Variants in HR observed in about 807,000 individuals in gnomAD.
HR encodes HR lysine demethylase and nuclear receptor corepressor, also known as lysine-specific demethylase hairless.
In HR, 83 loss-of-function variants were observed where a neutral mutation model predicts 128.6. The observed-to-expected ratio is 0.65, with a 90% CI of 0.54 to 0.77. The LOEUF (loss-of-function observed/expected upper bound fraction) is 0.77. HR is among the 30% of genes least tolerant of loss of function. The probability of loss-of-function intolerance (pLI) is 0.00; values close to 1 mark genes in which losing one functional copy is unlikely to be tolerated. For synonymous variants in HR, 681 were observed against 658.2 expected, an observed-to-expected ratio of 1.03 and a Z score of -0.53; for missense variants, 1,490 against 1,574.6, an observed-to-expected ratio of 0.95 and a Z score of 0.91.
At chr8:22,121,464 A>G (rs993984301) in intron 9 of HR, 149 bp downstream of exon 9, 3 of 919,372 alleles carry the variant, frequency 3.3e-6, no homozygotes, top group Non-Finnish European at 1.7e-6. Context: ...AGGTGTTTGG[A>G]GGCATGTCCT....
rs753650425 is a variant in HR at position 22,116,249 on chromosome 8, G to T, written c.3507+51C>A. The T allele has an allele frequency of 6.2e-7, 1 of 1,610,668 alleles. No homozygotes were observed. Among genetic ancestry groups the T allele is most frequent in the Admixed American group, 1.7e-5 (1 of 59,996 alleles). ...GTCCACTGCAGCTGTGGCACAGGGAGGTGGGAGGCTTGGGTAGCACACCCA... is the reference window on the plus strand; with the variant it reads ...GTCCACTGCAGCTGTGGCACAGGGATGTGGGAGGCTTGGGTAGCACACCCA... On this transcript the variant is annotated intron_variant, in intron 18 of 18. Transcript: ENST00000381418. This position sits in a 1 kb window ranked among gnomAD's most constrained non-coding sequence, Gnocchi z 4.2.
chr8:22,120,622 C>T (rs1051289987), intron 11 of HR, 94 bp downstream of exon 11: 1 of 1,574,888 alleles, frequency 6.3e-7, no homozygotes. Flanking sequence ...TCCTGCTCCC[C>T]CTGAGCCACT....
intron 5 of HR, among the ~76,000 whole-genome samples, chr8:22,125,030 G>A (rs1417679308): frequency 6.6e-6 from 1 of 152,206 alleles, no homozygotes. Flanking sequence ...CAGCCCTCCA[G>A]GCCCGGGAGC....
In HR at chr8:22,120,863, GCCAGCTCGAAGCCCCGGC is replaced by G; in HGVS notation, c.2445_2462del (p.Ala820_Arg825del). 6.4e-7 allele frequency: 1 copy of G among 1,552,096 alleles called. No homozygotes were observed. On this transcript the variant is annotated inframe_deletion, in exon 11 of 19. Transcript: ENST00000381418. ...GGCCCAGGCCCTTGCGCAGACCCGG[GCCAGCTCGAAGCCCCGGC>G]CCCAGGGCTTTCTCCTGGATCTTCC...
At chr8:22,126,986 C>A (rs780606677) in intron 3 of HR, 51 bp downstream of exon 3, 1 of 1,542,922 alleles carries the variant, frequency 6.5e-7, no homozygotes, top group South Asian at 1.2e-5. Flanking sequence ...AAGCCCCAGC[C>A]CCGGCTGCCC....
At position 22,127,557 on chromosome 8, in the gene HR, A is replaced by T; in HGVS notation, c.885T>A (p.Ala295=). 1 of 1,613,072 alleles carries T rather than the reference A, an allele frequency of 6.2e-7. No individual in the cohort carries two copies. Among genetic ancestry groups the T allele is most frequent in the African/African-American group, 1.3e-5 (1 of 75,076 alleles). ...GLVHTLGNVW[A]GPGDGNLGYQ... is the part of the protein sequence containing the mutation. ...ACCCAAGGTTCCCATCGCCTGGCCC[A>T]GCCCAGACGTTGCCAAGAGTATGAA... Residue 295 remains alanine (A), a synonymous_variant, in exon 3 of 19, where the codon GCT becomes GCA. Transcript: ENST00000381418.
intron 1 of HR, 147 bp from the exon 2 acceptor site, chr8:22,129,357 C>G: frequency 8.4e-6 from 5 of 596,780 alleles, no homozygotes; most frequent in Non-Finnish European, 1.4e-5. Context: ...CACCATGCTG[C>G]CTCTCCACAT....
At chr8:22,118,872 AC>A in intron 16 of HR, 77 bp downstream of exon 16, 1 of 1,238,376 alleles carries the variant, frequency 8.1e-7, no homozygotes, top group East Asian at 2.3e-5. Flanking sequence ...AGCACATGGG[AC>A]CGCACACTGG....
chr8:22,115,783 A>G (rs770529235), intron 18 of HR, 21 bp from the exon 19 acceptor site: 8 of 1,613,158 alleles, frequency 5.0e-6, no homozygotes, highest in Non-Finnish European at 6.8e-6. Flanking sequence ...GAGAGAGGAC[A>G]AAGCATTTTC....
chr8:22,126,418 C>T (rs1826892819), intron 3 of HR, among the ~76,000 whole-genome samples: 1 of 152,204 alleles, frequency 6.6e-6, no homozygotes, highest in Non-Finnish European at 1.5e-5. Flanking sequence ...CAGGGTGCGC[C>T]CAGAGCCCTA....
rs375954408 is a variant in HR, at chr8:22,124,077, C to A, written c.1751-264G>T. 2.6e-5 allele frequency among the ~76,000 whole-genome samples: 4 copies of A among 152,204 alleles called. No individual in the cohort carries two copies. The East Asian group carries it at 7.7e-4, about 29-fold the overall frequency. ...GGCCTCAGCTCCACCATTCCTGCCC[C>A]ACACCCAGCTCTGCCCCCAGGGACT... On this transcript the variant is annotated intron_variant, in intron 5 of 18. Coordinates refer to ENST00000381418, the MANE Select transcript of HR (RefSeq NM_005144.5).
At chr8:22,124,104 C>T (rs536650564) in intron 5 of HR, among the ~76,000 whole-genome samples, 3 of 152,340 alleles carry the variant, frequency 2.0e-5, no homozygotes, top group African/African-American at 7.2e-5. Flanking sequence ...CCAGGGACTT[C>T]CCCACTGGCC....
At position 22,120,112 on chromosome 8, in the gene HR, G is replaced by A. The variant is rs746951814; in HGVS notation, c.2838C>T (p.Asp946=). 1.1e-5 allele frequency: 18 copies of A among 1,587,742 alleles called. No homozygotes were observed. The highest frequency in any genetic ancestry group is 1.5e-5 in the Non-Finnish European group (18 of 1,167,838). ...LLLHRALGDE[D]TSRVENLAAS... ...CTTGGTGACATACACACCTGCTGGT[G>A]TCCTCATCCCCCAAAGCTCGGTGCA... Residue 946 remains aspartate (D), a synonymous_variant, in exon 13 of 19, where the codon GAC becomes GAT. Coordinates refer to ENST00000381418, the MANE Select transcript of HR (RefSeq NM_005144.5).
At chr8:22,119,942 C>T in intron 13 of HR, 52 bp from the exon 14 acceptor site, 1 of 1,610,722 alleles carries the variant, frequency 6.2e-7, no homozygotes, top group Non-Finnish European at 8.5e-7. Flanking sequence ...CACCAGAGAC[C>T]CCATCAAAGC....
At chr8:22,119,108 GACAA>G (rs766642617) in intron 15 of HR, 43 bp from the exon 16 acceptor site, 1 of 1,613,592 alleles carries the variant, frequency 6.2e-7, no homozygotes, top group Non-Finnish European at 8.5e-7. Context: ...GGCTGGTGGC[GACAA>G]ACACTCACCT....
intron 8 of HR, among the ~76,000 whole-genome samples, chr8:22,121,996 T>C (rs568054723): frequency 6.6e-6 from 1 of 152,356 alleles, no homozygotes; most frequent in East Asian, 1.9e-4. Context: ...TTTCCAAATT[T>C]TCCACAATGG....
Position 22,122,833 on chromosome 8 carries a change from G to A in HR, c.1962C>T (p.His654=), listed in dbSNP as rs754346025. The part of the protein sequence containing the change: ...SAEECTQEAG[H]AACSLMLTQF... ...GGGTCAGCATCAGGGAACAGGCAGCGTGCCCGGCCTCCTGCGTGCACTCCT... is the reference window on the plus strand; with the variant it reads ...GGGTCAGCATCAGGGAACAGGCAGCATGCCCGGCCTCCTGCGTGCACTCCT... The change falls in exon 7 of 19, where the codon CAC becomes CAT. Residue 654 remains histidine, a synonymous_variant. Transcript: ENST00000381418. 8 of 1,556,280 alleles carry A rather than the reference G, an allele frequency of 5.1e-6. No homozygotes were observed. Among genetic ancestry groups the A allele is most frequent in the South Asian group, 3.6e-5 (3 of 84,294 alleles).
chr8:22,118,868 T>G (rs59952427), intron 16 of HR, 82 bp downstream of exon 16: 3 of 1,206,478 alleles, frequency 2.5e-6, no homozygotes, highest in East Asian at 2.4e-5. Context: ...AGCGAGCACA[T>G]GGGACCGCAC....
At position 22,122,587 on chromosome 8, in the gene HR, G is replaced by T. The variant is rs755304366; in HGVS notation, c.2027C>A (p.Ala676Glu). 20 of 1,611,532 alleles carry T rather than the reference G, an allele frequency of 1.2e-5. No homozygotes were observed. The highest frequency in any genetic ancestry group is 1.7e-5 in the Non-Finnish European group (20 of 1,179,262). ...AAACTTGACCCAGACCTGGTGCATTGCAGTGCTCAGCTCTGCCAAAGCTGG... is the reference window on the plus strand; with the variant it reads ...AAACTTGACCCAGACCTGGTGCATTTCAGTGCTCAGCTCTGCCAAAGCTGG... The part of the protein sequence containing the change: ...SSQALAELST[A>E]MHQVWVKFDI... Residue 676 changes from alanine (A) to glutamate (E), a missense_variant, in exon 8 of 19, where the codon GCA (alanine) becomes GAA (glutamate). Physicochemically the swap from Ala to Glu is moderately radical, Grantham distance 107. Around this residue, in one of 3 missense-constraint regions of HR, gnomAD observed 1,060 missense variants for 1,060.9 expected, o/e 1.00. Coordinates refer to ENST00000381418, the MANE Select transcript of HR (RefSeq NM_005144.5).
Sources: gnomAD v4.1 joint callset for allele counts (sites outside exome capture counted in the v4.1 genomes callset) on GRCh38, gnomAD v4.1.1 for gene constraint, gnomAD v4.1.1 regional missense constraint, Gnocchi (gnomAD v3.1) non-coding constraint, MANE v1.5 for transcripts, NCBI Gene and HGNC (gene_info 2026-07-23, HGNC 2026-07-21) for gene names.